Variants in SKAP1 observed in about 807,000 individuals in gnomAD.
SKAP1 encodes src kinase-associated phosphoprotein 1.
In SKAP1, 44 loss-of-function variants were observed where a neutral mutation model predicts 58.5. The ratio of observed to expected loss-of-function variants is 0.75; its 90% CI spans 0.59 to 0.97. The LOEUF is 0.97. Ranked by LOEUF, SKAP1 falls within the 50% of genes least tolerant of loss-of-function variation. The pLI is 0.00. For missense variants in SKAP1, 390 were observed against 435.2 expected (o/e 0.90, Z 0.92); for synonymous variants, 127 against 149.7 (o/e 0.85, Z 1.11).
At chr17:48,215,983 A>C (rs1458620358) in intron 4 of SKAP1, among the ~76,000 whole-genome samples, 1 of 152,230 alleles carries the variant, frequency 6.6e-6, no homozygotes, top group Non-Finnish European at 1.5e-5. Context: ...TCACTTAAAC[A>C]GCTGGCTTTC....
the SKAP1 span, among the ~76,000 whole-genome samples, chr17:48,441,541 A>T: frequency 6.6e-6 from 1 of 152,240 alleles, no homozygotes; most frequent in Non-Finnish European, 1.5e-5. Flanking sequence ...TTCCTGTGTC[A>T]GCTGATGCCA....
chr17:48,227,999 G>A (rs1486255479), intron 4 of SKAP1, among the ~76,000 whole-genome samples: 1 of 152,128 alleles, frequency 6.6e-6, no homozygotes, highest in Non-Finnish European at 1.5e-5. Context: ...ATTTCAAGGT[G>A]TATTTCTGTG....
At chr17:48,292,564 C>G (rs1377658473) in intron 4 of SKAP1, among the ~76,000 whole-genome samples, 4 of 152,116 alleles carry the variant, frequency 2.6e-5, no homozygotes, top group Non-Finnish European at 4.4e-5. Flanking sequence ...GTCTTCCCAA[C>G]AGTATTTACA....
chr17:48,413,523 A>AAAAAAAAAAAAAAAAAAATATATAT, intron 1 of SKAP1, among the ~76,000 whole-genome samples: 2 of 105,510 alleles, frequency 1.9e-5, no homozygotes, highest in East Asian at 2.3e-4. Flanking sequence ...TCAAAAAAAA[A>AAAAAAAAAAAAAAAAAAATATATAT]ATATATATAT....
intron 10 of SKAP1, among the ~76,000 whole-genome samples, chr17:48,163,529 C>T (rs1051292392): frequency 6.6e-6 from 1 of 152,124 alleles, no homozygotes; most frequent in African/African-American, 2.4e-5. Context: ...GCTCCTTTTT[C>T]CTTGGGGTGC....
At chr17:48,323,810 T>G (rs776695662) in intron 4 of SKAP1, among the ~76,000 whole-genome samples, 2 of 152,006 alleles carry the variant, frequency 1.3e-5, no homozygotes, top group Non-Finnish European at 2.9e-5. Context: ...AGGTTCCAAA[T>G]AGGCCACAGT....
chr17:48,233,911 C>T (rs537601315), intron 4 of SKAP1, among the ~76,000 whole-genome samples: 12 of 152,250 alleles, frequency 7.9e-5, no homozygotes, highest in Admixed American at 1.3e-4. Context: ...CAGCTTCTCT[C>T]TCTGCATCCC....
At chr17:48,376,251 C>T (rs1410170127) in intron 2 of SKAP1, among the ~76,000 whole-genome samples, 2 of 151,876 alleles carry the variant, frequency 1.3e-5, no homozygotes, top group Non-Finnish European at 2.9e-5. Context: ...GGCCCATATA[C>T]TCACTGAATT....
intron 4 of SKAP1, among the ~76,000 whole-genome samples, chr17:48,255,765 A>G (rs533110415): frequency 1.3e-5 from 2 of 152,210 alleles, no homozygotes; most frequent in African/African-American, 4.8e-5. Flanking sequence ...ATCAACCCCC[A>G]TAATTTTTCC....
chr17:48,263,429 G>T (rs1290278860), intron 4 of SKAP1, among the ~76,000 whole-genome samples: 1 of 152,138 alleles, frequency 6.6e-6, no homozygotes, highest in African/African-American at 2.4e-5. Flanking sequence ...CTTTATAAAA[G>T]CAGACAAATA....
At position 48,134,767 on chromosome 17, in the gene SKAP1, G is replaced by A. The variant is rs543395732; in HGVS notation, c.*8-951C>T. ...CACCCAGGCTAGAGTACAATGGCGC[G>A]ATCTCGGCTCACTGCAACCTCCGCC... On this transcript the variant is annotated intron_variant, in intron 12 of 12. Coordinates refer to ENST00000336915, the MANE Select transcript of SKAP1 (RefSeq NM_003726.4). Among the ~76,000 whole-genome samples the A allele has an allele frequency of 4.0e-5, 6 of 151,872 alleles. No homozygotes were observed. The South Asian group carries it at 8.3e-4, about 21-fold the overall frequency.
At chr17:48,177,410 C>A (rs2064305252) in intron 9 of SKAP1, among the ~76,000 whole-genome samples, 1 of 152,186 alleles carries the variant, frequency 6.6e-6, no homozygotes, top group Non-Finnish European at 1.5e-5. Flanking sequence ...CTCAGCACAT[C>A]CATCTGAGAC....
intron 4 of SKAP1, among the ~76,000 whole-genome samples, chr17:48,238,072 C>T (rs1415086991): frequency 6.6e-6 from 1 of 152,044 alleles, no homozygotes; most frequent in Non-Finnish European, 1.5e-5. Flanking sequence ...TGGCTCACTG[C>T]AAGCTCCGCC....
intron 4 of SKAP1, among the ~76,000 whole-genome samples, chr17:48,252,871 G>C (rs979141402): frequency 1.3e-5 from 2 of 152,114 alleles, no homozygotes; most frequent in African/African-American, 2.4e-5. Flanking sequence ...AGCTTCCCTG[G>C]AGGTCTCTGC....
intron 1 of SKAP1, among the ~76,000 whole-genome samples, chr17:48,408,735 T>C (rs1303228880): frequency 6.6e-6 from 1 of 152,190 alleles, no homozygotes; most frequent in Non-Finnish European, 1.5e-5. Flanking sequence ...GTGACAAAAC[T>C]GTAGTAAAAC....
intron 2 of SKAP1, among the ~76,000 whole-genome samples, chr17:48,394,777 G>A (rs2067394853): frequency 6.6e-6 from 1 of 152,202 alleles, no homozygotes; most frequent in African/African-American, 2.4e-5. Context: ...TGATATGGCT[G>A]AAGAAGAGGA....
At chr17:48,289,252 G>C (rs1350734941) in intron 4 of SKAP1, among the ~76,000 whole-genome samples, 3 of 151,826 alleles carry the variant, frequency 2.0e-5, no homozygotes, top group Non-Finnish European at 4.4e-5. Context: ...TCATGCTTAT[G>C]AGTAATATCA....
intron 3 of SKAP1, among the ~76,000 whole-genome samples, chr17:48,351,898 G>T (rs913309557): frequency 1.6e-4 from 24 of 152,114 alleles, no homozygotes; most frequent in African/African-American, 5.6e-4. Context: ...AACTATATCT[G>T]TCAGTGGTGG....
In SKAP1 at chr17:48,144,444, T is replaced by C. The variant is rs544917988; in HGVS notation, c.979-7107A>G. ...ATAATCAAAGGGAGAAAAATGCAAA[T>C]GAGATCCGGCCGAGAACTATCACCA... On this transcript the variant is annotated intron_variant, in intron 11 of 12. Coordinates refer to ENST00000336915, the MANE Select transcript of SKAP1 (RefSeq NM_003726.4). Among the ~76,000 whole-genome samples, 258 of 152,208 alleles carry C rather than the reference T, an allele frequency of 1.7e-3. 2 individuals carry two copies. The highest frequency in any genetic ancestry group is 5.6e-3 in the African/African-American group (232 of 41,510).
Sources: allele counts gnomAD v4.1 joint callset (sites outside exome capture counted in the v4.1 genomes callset), GRCh38; gene constraint gnomAD v4.1.1; transcripts MANE v1.5; gene names NCBI Gene and HGNC (gene_info 2026-07-23, HGNC 2026-07-21).